HNRNPK: variants seen among roughly 807,000 people sequenced by gnomAD.
The protein encoded by HNRNPK is dC-stretch binding protein.
In HNRNPK, 7 loss-of-function variants were observed where a neutral mutation model predicts 67.0. The ratio of observed to expected loss-of-function variants is 0.10; its 90% confidence interval spans 0.06 to 0.20. The LOEUF (loss-of-function observed/expected upper bound fraction) is 0.20, where lower values mean the gene tolerates loss of function less well. Ranked by LOEUF, HNRNPK falls within the 10% of genes least tolerant of loss-of-function variation. The pLI is 1.00. For missense variants in HNRNPK, 264 were observed against 606.5 expected (o/e 0.44, Z 5.93); for synonymous variants, 213 against 193.7 (o/e 1.10, Z -0.83).
chr9:83,972,697 A>C (rs190228885), intron 10 of HNRNPK, 147 bp downstream of exon 10: 32 of 552,578 alleles, frequency 5.8e-5, no homozygotes, highest in Non-Finnish European at 9.2e-5. Flanking sequence ...TTTTTAAATT[A>C]AAGTGATGGC....
At position 83,977,022 on chromosome 9, in the gene HNRNPK, G is replaced by C. The variant is rs372531604; in HGVS notation, c.186C>G (p.Gly62=). The C allele has an allele frequency of 6.2e-7, 1 of 1,611,248 alleles. No individual in the cohort carries two copies. The highest frequency in any genetic ancestry group is 8.5e-7 in the Non-Finnish European group (1 of 1,177,494). ...KNAGAVIGKG[G]KNIKALRTDY... Reference sequence around the variant, plus strand: ...CTGTACGGAGAGCCTTAATATTCTTGCCTCCTTTTCCAATCACTGCCCCAG... The same window carrying C: ...CTGTACGGAGAGCCTTAATATTCTTCCCTCCTTTTCCAATCACTGCCCCAG... Residue 62 remains glycine, a synonymous_variant, in exon 5 of 17, where the codon GGC becomes GGG. Transcript: ENST00000376263.
chr9:83,969,531 T>C, intron 16 of HNRNPK, 91 bp from the exon 17 acceptor site: 1 of 803,516 alleles, frequency 1.2e-6, no homozygotes, highest in Non-Finnish European at 2.1e-6. Context: ...TAAATTAAAA[T>C]GATAAACACG....
rs77937388 is a variant in HNRNPK, at chr9:83,979,999, G to A, written c.-108+154C>T. Among the ~76,000 whole-genome samples, 783 of 152,290 alleles carry A rather than the reference G, an allele frequency of 5.1e-3. 7 individuals are homozygous for A. The highest frequency in any genetic ancestry group is 0.018 in the African/African-American group (746 of 41,558). Reference sequence around the variant, plus strand: ...CGCGGACTGCGGATACACGCTCAGGGAAATGGCGGAGGTGGGGGAGGGGAC... The same window carrying A: ...CGCGGACTGCGGATACACGCTCAGGAAAATGGCGGAGGTGGGGGAGGGGAC... On this transcript the variant is annotated intron_variant, in intron 1 of 16. Transcript: ENST00000376263.
In HNRNPK at chr9:83,968,381, T is replaced by C. The variant is rs887907490; in HGVS notation, c.*1026A>G. The C allele has an allele frequency of 6.6e-6, 1 of 152,432 alleles. No individual in the cohort carries two copies. Among genetic ancestry groups the C allele is most frequent in the African/African-American group, 2.4e-5 (1 of 41,384 alleles). 9.4% of individuals were successfully genotyped at this position (152,432 alleles called of 1,614,324 possible). A position where few individuals can be genotyped will look rare whatever the true frequency, so the allele number is the denominator to read the frequency against. Reference sequence around the variant, plus strand: ...TTTGCATACAATGGAAAAACAAGTATATATATATTTTACAAAGTTTAACTA... The same window carrying C: ...TTTGCATACAATGGAAAAACAAGTACATATATATTTTACAAAGTTTAACTA... On this transcript the variant is annotated 3_prime_UTR_variant, in exon 17 of 17. Coordinates refer to ENST00000376263, the MANE Select transcript of HNRNPK (RefSeq NM_031263.4).
intron 10 of HNRNPK, 75 bp downstream of exon 10, chr9:83,972,769 T>G: frequency 8.7e-7 from 1 of 1,154,968 alleles, no homozygotes; most frequent in Non-Finnish European, 1.2e-6. Flanking sequence ...GACTAAATGC[T>G]CTGAAGCTAC....
rs376145578 is a variant in HNRNPK at position 83,969,216 on chromosome 9, T to A, written c.*191A>T. On this transcript the variant is annotated 3_prime_UTR_variant, in exon 17 of 17. Coordinates refer to ENST00000376263, the MANE Select transcript of HNRNPK (RefSeq NM_031263.4). Reference sequence around the variant, plus strand: ...ACCCTGTTTGTAAGGAACTAAAACATTACATCTGGTGAACAGCAAAGATTT... The same window carrying A: ...ACCCTGTTTGTAAGGAACTAAAACAATACATCTGGTGAACAGCAAAGATTT... 5.1e-4 allele frequency: 332 copies of A among 646,572 alleles called. 4 individuals carry two copies. In the East Asian group the frequency reaches 6.6e-3, roughly 13 times the overall value. 40.1% of individuals were successfully genotyped at this position (646,572 alleles called of 1,614,324 possible). A position where few individuals can be genotyped will look rare whatever the true frequency, so the allele number is the denominator to read the frequency against.
At chr9:83,975,437 T>C in intron 6 of HNRNPK, 25 bp downstream of exon 6, 1 of 1,607,092 alleles carries the variant, frequency 6.2e-7, no homozygotes, top group Non-Finnish European at 8.5e-7. Flanking sequence ...AATCAGGCAG[T>C]GAGGCATAAA....
In HNRNPK at chr9:83,972,094, G is replaced by A. The variant is rs768261147; in HGVS notation, c.741C>T (p.Arg247=). The change falls in exon 11 of 17, where the codon CGC becomes CGT. Residue 247 remains arginine (R), a synonymous_variant. Coordinates refer to ENST00000376263, the MANE Select transcript of HNRNPK (RefSeq NM_031263.4). The part of the protein sequence containing the change: ...GGFTMMFDDR[R]GRPVGFPMRG... ...GCATGGGAAATCCCACTGGGCGTCC[G>A]CGACGGTCATCAAACATCATTGTAA... The A allele has an allele frequency of 2.0e-5, 32 of 1,613,750 alleles. No homozygotes were observed. The highest frequency in any genetic ancestry group is 2.5e-5 in the Non-Finnish European group (29 of 1,179,856).
chr9:83,977,477 T>C (rs1430613002), intron 4 of HNRNPK, among the ~76,000 whole-genome samples: 2 of 152,218 alleles, frequency 1.3e-5, no homozygotes, highest in African/African-American at 4.8e-5. Context: ...CCTCCTAGTT[T>C]GACCTGTAGT....
intron 4 of HNRNPK, 102 bp from the exon 5 acceptor site, chr9:83,977,153 A>G (rs181823319): frequency 6.9e-5 from 55 of 797,590 alleles, no homozygotes; most frequent in African/African-American, 4.4e-4. Flanking sequence ...CCTGTTTGTT[A>G]TAAGAATAAA....
chr9:83,979,245 C>T (rs1336006243), intron 1 of HNRNPK, among the ~76,000 whole-genome samples: 1 of 152,204 alleles, frequency 6.6e-6, no homozygotes, highest in East Asian at 1.9e-4. Context: ...ACAAGCGAGG[C>T]ACATTTATGC....
chr9:83,974,753 G>A, intron 6 of HNRNPK, 164 bp from the exon 7 acceptor site: 2 of 591,754 alleles, frequency 3.4e-6, no homozygotes, highest in Non-Finnish European at 6.0e-6. Context: ...CATGCATTTT[G>A]TTTTATACCC....
chr9:83,975,392 A>G, intron 6 of HNRNPK, 70 bp downstream of exon 6: 6 of 1,315,586 alleles, frequency 4.6e-6, no homozygotes, highest in Admixed American at 1.7e-5. Flanking sequence ...TTAATTATAT[A>G]AAAGGCAGGT....
chr9:83,972,219 A>G, intron 10 of HNRNPK, 30 bp from the exon 11 acceptor site: 1 of 1,516,748 alleles, frequency 6.6e-7, no homozygotes, highest in Non-Finnish European at 8.9e-7. Flanking sequence ...AAACTTACAG[A>G]CTGAAGAAAA....
chr9:83,976,550 G>A (rs1372422587), intron 5 of HNRNPK: 1 of 152,934 alleles, frequency 6.5e-6, no homozygotes, highest in African/African-American at 2.4e-5. Context: ...AATTCTTTGT[G>A]CTCCATGTGC....
At chr9:83,971,066 T>C (rs1419369886) in intron 13 of HNRNPK, 154 bp from the exon 14 acceptor site, 2 of 784,176 alleles carry the variant, frequency 2.6e-6, no homozygotes, top group Non-Finnish European at 4.3e-6. Flanking sequence ...CTCAGACTCT[T>C]TTGTAGTTGG....
chr9:83,978,331 T>TAA (rs55698797), intron 2 of HNRNPK, 42 bp downstream of exon 2: 804 of 1,270,242 alleles, frequency 6.3e-4, no homozygotes, highest in Middle Eastern at 1.8e-3. Context: ...AAGCAAGCTG[T>TAA]AAAAAAAAAA....
intron 9 of HNRNPK, 61 bp downstream of exon 9, chr9:83,973,225 A>G: frequency 3.0e-6 from 3 of 985,542 alleles, no homozygotes; most frequent in Non-Finnish European, 4.9e-6. Context: ...GCTCACAGAA[A>G]CAAGTCTATA....
rs776032208 is a variant in HNRNPK, at chr9:83,970,792, G to A, written c.1136C>T (p.Ser379Leu). Residue 379 changes from serine to leucine, a missense_variant, in exon 15 of 17, where the codon TCA becomes TTA. Transcript: ENST00000376263. ...YDYSYAGGRG[S>L]YGDLGGPIIT... The stretch of plus-strand genomic sequence containing the variant: ...AATAGGTCCACCAAGATCACCATAT[G>A]AGCCACGACCCCCTGCATAGGAATA... The A allele has an allele frequency of 6.2e-7, 1 of 1,611,174 alleles. No homozygotes were observed. The highest frequency in any genetic ancestry group is 8.5e-7 in the Non-Finnish European group (1 of 1,177,394).
Sources: gnomAD v4.1 joint callset for allele counts (sites outside exome capture counted in the v4.1 genomes callset) on GRCh38, gnomAD v4.1.1 for gene constraint, MANE v1.5 for transcripts, NCBI Gene and HGNC (gene_info 2026-07-23, HGNC 2026-07-21) for gene names.